Variants in BLTP1 observed in about 807,000 individuals in gnomAD.
The protein encoded by BLTP1 is bridge-like lipid transfer protein family member 1.
the BLTP1 span, chr4:122,154,895 A>G: frequency 1.1e-6 from 1 of 902,036 alleles, no homozygotes; most frequent in Non-Finnish European, 1.3e-6. Context: ...TGAGAAAATG[A>G]AGAAAAGTAG....
At chr4:122,359,767 T>C in the BLTP1 span, 1 of 1,538,506 alleles carries the variant, frequency 6.5e-7, no homozygotes, top group Non-Finnish European at 8.7e-7. Flanking sequence ...AAGGGATTAC[T>C]ATGAGCAAAA....
chr4:122,239,951 C>T, the BLTP1 span: 2 of 1,613,930 alleles, frequency 1.2e-6, no homozygotes, highest in South Asian at 1.1e-5. Flanking sequence ...AAAAGCAAAC[C>T]CAGCAGATTG....
chr4:122,256,259 C>A, the BLTP1 span: 5 of 753,928 alleles, frequency 6.6e-6, no homozygotes, highest in Non-Finnish European at 8.1e-6. Context: ...GACACTTAGA[C>A]CTAAGGCTGG....
At chr4:122,251,018 T>A in the BLTP1 span, 2 of 985,144 alleles carry the variant, frequency 2.0e-6, no homozygotes, top group Non-Finnish European at 2.4e-6. Context: ...CACTTTTTAT[T>A]TTTATTATGG....
At chr4:122,185,381 T>G in the BLTP1 span, 1 of 985,300 alleles carries the variant, frequency 1.0e-6, no homozygotes, top group Non-Finnish European at 1.2e-6. Context: ...TTGATTGTGG[T>G]ACCTTTCTTC....
the BLTP1 span, chr4:122,347,854 G>C: frequency 1.0e-6 from 1 of 1,000,436 alleles, no homozygotes; most frequent in South Asian, 2.4e-5. Flanking sequence ...TCAGATTTCA[G>C]CCCTAACTAT....
At chr4:122,307,178 T>C in the BLTP1 span, among the ~76,000 whole-genome samples, 1 of 152,182 alleles carries the variant, frequency 6.6e-6, no homozygotes, top group African/African-American at 2.4e-5. Flanking sequence ...AAACATGAAA[T>C]TTATTTATGT....
the BLTP1 span, chr4:122,155,976 A>G: frequency 1.0e-6 from 1 of 970,232 alleles, no homozygotes; most frequent in Non-Finnish European, 1.2e-6. Flanking sequence ...CATCATCTTT[A>G]TGCATATGTT....
the BLTP1 span, among the ~76,000 whole-genome samples, chr4:122,275,298 G>A: frequency 6.6e-6 from 1 of 151,960 alleles, no homozygotes. Context: ...AACTGGAGTG[G>A]TCTTATCTAC....
the BLTP1 span, chr4:122,167,517 C>G: frequency 4.6e-6 from 1 of 216,488 alleles, no homozygotes; most frequent in East Asian, 1.8e-4. Flanking sequence ...TCTCATTCCT[C>G]TCAGTCTCTG....
At chr4:122,182,077 T>G in the BLTP1 span, among the ~76,000 whole-genome samples, 1 of 152,140 alleles carries the variant, frequency 6.6e-6, no homozygotes, top group Non-Finnish European at 1.5e-5. Context: ...TTAAATATTC[T>G]TAAATGTTAA....
the BLTP1 span, chr4:122,263,041 A>G: frequency 9.4e-5 from 144 of 1,539,776 alleles, no homozygotes; most frequent in Non-Finnish European, 1.2e-4. Context: ...TTGAGATGAA[A>G]CAGGACTTAA....
chr4:122,215,641 G>C, the BLTP1 span: 3 of 800,642 alleles, frequency 3.7e-6, no homozygotes, highest in Non-Finnish European at 4.5e-6. Flanking sequence ...TTTCATAAAG[G>C]CTTCTGGAGG....
At chr4:122,187,511 C>G in the BLTP1 span, 1 of 1,610,426 alleles carries the variant, frequency 6.2e-7, no homozygotes, top group Non-Finnish European at 8.5e-7. Context: ...AATGTGAGCA[C>G]AGTAAGTAAA....
the BLTP1 span, chr4:122,245,968 C>T: frequency 1.3e-5 from 3 of 237,438 alleles, no homozygotes; most frequent in Non-Finnish European, 2.0e-5. Context: ...TTTTCTCAAC[C>T]ATGATGCTAC....
chr4:122,247,142 CT>C, the BLTP1 span: 3 of 1,594,028 alleles, frequency 1.9e-6, no homozygotes, highest in Non-Finnish European at 2.6e-6. Flanking sequence ...ATTTTACTCT[CT>C]TTTTTTTCAT....
the BLTP1 span, chr4:122,301,187 G>C: frequency 3.1e-5 from 38 of 1,229,076 alleles, no homozygotes; most frequent in African/African-American, 5.2e-4. Flanking sequence ...AAAGATCTCT[G>C]TATCAGTGGT....
At chr4:122,305,491 A>G in the BLTP1 span, 1 of 981,200 alleles carries the variant, frequency 1.0e-6, no homozygotes, top group Non-Finnish European at 1.2e-6. Context: ...TCCTCTTTGA[A>G]GAACCAAGTA....
the BLTP1 span, among the ~76,000 whole-genome samples, chr4:122,259,637 G>A: frequency 3.9e-5 from 6 of 152,100 alleles, no homozygotes; most frequent in South Asian, 1.2e-3. Flanking sequence ...CAAGGCGGGT[G>A]GATCACAAGG....
Sources: gnomAD v4.1 joint callset for allele counts (sites outside exome capture counted in the v4.1 genomes callset) on GRCh38, gnomAD v4.1.1 for gene constraint, MANE v1.5 for transcripts, NCBI Gene and HGNC (gene_info 2026-07-23, HGNC 2026-07-21) for gene names.